The following SNTG2 variants were observed in gnomAD, a reference collection of about 807,000 sequenced individuals.
SNTG2 encodes the protein gamma-2-syntrophin.
In SNTG2, 74 loss-of-function variants were observed where a neutral mutation model predicts 70.9. The observed-to-expected ratio is 1.04, with a 90% CI of 0.86 to 1.27. SNTG2 has a LOEUF of 1.27. Among genes scored for constraint, SNTG2 ranks in the 50% most tolerant of loss-of-function variants. SNTG2 has a pLI of 0.00. For missense variants in SNTG2, 717 were observed against 690.7 expected, an observed-to-expected ratio of 1.04 and a Z score of -0.43; for synonymous variants, 278 against 273.8, an observed-to-expected ratio of 1.02 and a Z score of -0.15.
chr2:1,001,173 A>C (rs1465900683), intron 1 of SNTG2, among the ~76,000 whole-genome samples: 1 of 151,998 alleles, frequency 6.6e-6, no homozygotes, highest in East Asian at 1.9e-4. Context: ...TACTGAATGG[A>C]CAAACACCAA....
intron 14 of SNTG2, among the ~76,000 whole-genome samples, chr2:1,271,807 T>G (rs1679034258): frequency 6.6e-6 from 1 of 152,112 alleles, no homozygotes; most frequent in Non-Finnish European, 1.5e-5. Flanking sequence ...ACCAAAGTAC[T>G]CGTCTAGGGA....
At chr2:981,450 CAA>C (rs1447836286) in intron 1 of SNTG2, among the ~76,000 whole-genome samples, 1 of 151,914 alleles carries the variant, frequency 6.6e-6, no homozygotes, top group Admixed American at 6.6e-5. Context: ...GCACAACACA[CAA>C]ATGCATATGC....
intron 10 of SNTG2, among the ~76,000 whole-genome samples, chr2:1,239,329 C>T (rs1489084900): frequency 1.3e-5 from 2 of 152,160 alleles, no homozygotes; most frequent in Non-Finnish European, 2.9e-5. Context: ...TTTTGGAAAA[C>T]AACATCTACC....
intron 1 of SNTG2, among the ~76,000 whole-genome samples, chr2:967,536 A>G (rs1353340884): frequency 6.6e-6 from 1 of 152,146 alleles, no homozygotes; most frequent in African/African-American, 2.4e-5. Context: ...AAATAACCTT[A>G]CATTCTAGAG....
intron 1 of SNTG2, among the ~76,000 whole-genome samples, chr2:955,262 G>T (rs1228140882): frequency 1.3e-5 from 2 of 152,196 alleles, no homozygotes; most frequent in Admixed American, 1.3e-4. Flanking sequence ...ACCCTCCACT[G>T]TCAAGATTCT....
chr2:1,072,153 C>CGTAGATGA (rs937617942), intron 1 of SNTG2, among the ~76,000 whole-genome samples: 7 of 152,118 alleles, frequency 4.6e-5, no homozygotes, highest in African/African-American at 1.7e-4. Context: ...AGATTTTCCA[C>CGTAGATGA]GTAGATGAAA....
chr2:1,219,358 C>T (rs1192348133), intron 9 of SNTG2, among the ~76,000 whole-genome samples: 1 of 152,178 alleles, frequency 6.6e-6, no homozygotes, highest in East Asian at 1.9e-4. Context: ...GCGTATTTCT[C>T]TATGGCAGTG....
chr2:1,126,018 T>C (rs1667678079), intron 4 of SNTG2, among the ~76,000 whole-genome samples: 1 of 152,244 alleles, frequency 6.6e-6, no homozygotes. Context: ...TGCTCTCTTC[T>C]AGCCATTTGA....
chr2:1,158,017 C>T (rs1347758885), intron 6 of SNTG2, among the ~76,000 whole-genome samples: 2 of 152,168 alleles, frequency 1.3e-5, no homozygotes, highest in African/African-American at 4.8e-5. Flanking sequence ...TACGGGGCAT[C>T]CTGTAGACAT....
chr2:1,221,246 C>G (rs951125344), intron 9 of SNTG2, among the ~76,000 whole-genome samples: 1 of 75,640 alleles, frequency 1.3e-5, no homozygotes, highest in East Asian at 4.4e-4. Context: ...GCCTCTGCCT[C>G]TCTCTGTCTC....
intron 1 of SNTG2, among the ~76,000 whole-genome samples, chr2:970,433 A>G (rs1472604083): frequency 8.0e-6 from 1 of 125,050 alleles, no homozygotes; most frequent in South Asian, 3.0e-4. Context: ...CCCACCCCAC[A>G]ACAGTCCCCA....
rs113992267 is a variant in SNTG2, at chr2:1,112,379, T to C, written c.325+13969T>C. Among the ~76,000 whole-genome samples the C allele has an allele frequency of 4.1e-4, 61 of 149,870 alleles. 2 individuals carry two copies. The highest frequency in any genetic ancestry group is 3.6e-3 in the Middle Eastern group (1 of 278). ...ATCGTGTGTACTAACTGAGGTTTAA[T>C]CCTCACAGTACTTGGAGGAGGATCA... On this transcript the variant is annotated intron_variant, in intron 4 of 16. Transcript: ENST00000308624.
At chr2:1,234,322 T>C (rs541935846) in intron 9 of SNTG2, among the ~76,000 whole-genome samples, 1 of 152,372 alleles carries the variant, frequency 6.6e-6, no homozygotes, top group Admixed American at 6.5e-5. Flanking sequence ...TTTCTTTCCC[T>C]GTTTCATTAA....
chr2:997,717 G>A lies in SNTG2; in HGVS notation c.72+46649G>A, dbSNP rs115498422. On this transcript the variant is annotated intron_variant, in intron 1 of 16. Coordinates refer to ENST00000308624, the MANE Select transcript of SNTG2 (RefSeq NM_018968.4). ...CTGCCAAACATAGACCCCCCTCTGG[G>A]GCTGAGTGGGGAGCCCAGGCCACCG... Among the ~76,000 whole-genome samples, 1,170 of 152,278 alleles carry A rather than the reference G, an allele frequency of 7.7e-3. 20 individuals carry two copies. The highest frequency in any genetic ancestry group is 0.027 in the African/African-American group (1,116 of 41,560).
At chr2:1,140,559 C>T (rs1159629220) in intron 6 of SNTG2, among the ~76,000 whole-genome samples, 1 of 152,216 alleles carries the variant, frequency 6.6e-6, no homozygotes, top group Non-Finnish European at 1.5e-5. Flanking sequence ...CCGAGTGAGG[C>T]GCTCTGGGAG....
chr2:1,180,285 A>G (rs1221068676), intron 8 of SNTG2, among the ~76,000 whole-genome samples: 2,984 of 102,416 alleles, frequency 0.029, no homozygotes, highest in East Asian at 0.074. Context: ...CAGGCAACCT[A>G]CAGAATGGGA....
At chr2:1,290,440 G>C (rs1679945139) in intron 14 of SNTG2, among the ~76,000 whole-genome samples, 1 of 151,760 alleles carries the variant, frequency 6.6e-6, no homozygotes, top group African/African-American at 2.4e-5. Flanking sequence ...TCAGCCTCCT[G>C]AGTAGCTGGG....
intron 15 of SNTG2, among the ~76,000 whole-genome samples, chr2:1,312,778 T>C (rs970580550): frequency 6.6e-6 from 1 of 152,188 alleles, no homozygotes; most frequent in Admixed American, 6.5e-5. Context: ...CTGGCCCCCA[T>C]GGGACCTGCT....
chr2:1,070,910 A>C (rs904538447), intron 1 of SNTG2, among the ~76,000 whole-genome samples: 4 of 152,238 alleles, frequency 2.6e-5, no homozygotes, highest in Non-Finnish European at 4.4e-5. Context: ...GAGGGTGTGC[A>C]GTGCCTGCTG....
Sources: allele counts gnomAD v4.1 joint callset (sites outside exome capture counted in the v4.1 genomes callset), GRCh38; gene constraint gnomAD v4.1.1; transcripts MANE v1.5; gene names NCBI Gene and HGNC (gene_info 2026-07-23, HGNC 2026-07-21).